Variants in LAS1L observed in about 807,000 individuals in gnomAD.
LAS1L encodes ribosomal biogenesis protein LAS1L.
A neutral mutation model predicts 57.3 loss-of-function variants in LAS1L; 5 were observed. The ratio of observed to expected loss-of-function variants is 0.09; its 90% confidence interval spans 0.05 to 0.18. The LOEUF (loss-of-function observed/expected upper bound fraction) is 0.18, where lower values mean the gene tolerates loss of function less well. LAS1L is among the 10% of genes least tolerant of loss of function. The pLI is 1.00. For missense variants in LAS1L, 360 were observed against 568.3 expected (o/e 0.63, Z 3.73); for synonymous variants, 245 against 231.7 (o/e 1.06, Z -0.52).
intron 12 of LAS1L, among the ~76,000 whole-genome samples, chrX:65,516,510 A>C (rs763500757): frequency 7.3e-5 from 8 of 109,735 alleles, no homozygotes; most frequent in Non-Finnish European, 1.3e-4. Context: ...CAATGCTATC[A>C]CTTCTCTCTC....
chrX:65,532,593 C>A lies in LAS1L; in HGVS notation c.400G>T (p.Ala134Ser). Residue 134 changes from alanine (A) to serine (S), a missense_variant, in exon 3 of 14, where the codon GCC becomes TCC. By Grantham distance (99) the Ala-to-Ser change is moderately conservative. Coordinates refer to ENST00000374811, the MANE Select transcript of LAS1L (RefSeq NM_031206.7). The stretch of plus-strand genomic sequence containing the variant: ...GCCAGACACTTGAGGGGGACCTTGG[C>A]AAACTTTGTCTTCCTCTCTGAGATA... Reference protein sequence around the residue: ...NLISERKTKFAKVPLKCLAQE... With the variant: ...NLISERKTKFSKVPLKCLAQE... 2 of 1,209,113 alleles carry A rather than the reference C, an allele frequency of 1.7e-6. No individual in the cohort carries two copies. The highest frequency in any genetic ancestry group is 2.2e-6 in the Non-Finnish European group (2 of 892,757).
intron 7 of LAS1L, 50 bp from the exon 8 acceptor site, chrX:65,525,100 T>A: frequency 9.9e-7 from 1 of 1,014,821 alleles, no homozygotes; most frequent in Non-Finnish European, 1.4e-6. Context: ...CAGAAGACCC[T>A]CTCCTACTCC....
At chrX:65,522,924 A>G (rs1235847756) in intron 11 of LAS1L, 2 of 112,418 alleles carry the variant, frequency 1.8e-5, no homozygotes, top group African/African-American at 6.5e-5. Context: ...CAGGCGCTAA[A>G]GGCTTCCATG....
In LAS1L at chrX:65,514,886, G is replaced by A; in HGVS notation, c.2015C>T (p.Thr672Ile). The A allele has an allele frequency of 8.3e-7, 1 of 1,210,023 alleles. No homozygotes were observed. The highest frequency in any genetic ancestry group is 1.1e-6 in the Non-Finnish European group (1 of 894,321). Reference protein sequence around the residue: ...PAELMLENYDTMYLLDQPVLE... With the variant: ...PAELMLENYDIMYLLDQPVLE... ...CACAGGCTGGTCCAAAAGATACATG[G>A]TGTCATAATTCTCCAGCATGAGCTC... The change falls in exon 13 of 14, where the codon ACC (threonine) becomes ATC (isoleucine). Residue 672 changes from threonine (T) to isoleucine (I), a missense_variant. Coordinates refer to ENST00000374811, the MANE Select transcript of LAS1L (RefSeq NM_031206.7).
intron 13 of LAS1L, among the ~76,000 whole-genome samples, chrX:65,513,371 G>A (rs999321460): frequency 5.4e-5 from 6 of 111,956 alleles, no homozygotes; most frequent in Non-Finnish European, 9.4e-5. Flanking sequence ...TTGCTTTAGG[G>A]AGGGTGGCTC....
Position 65,529,715 on chromosome X carries a change from T to C in LAS1L, c.678A>G (p.Lys226=). 8.3e-7 allele frequency: 1 copy of C among 1,211,901 alleles called. No individual in the cohort carries two copies. The highest frequency in any genetic ancestry group is 1.7e-5 in the African/African-American group (1 of 57,831). Residue 226 remains lysine (K), a synonymous_variant, in exon 5 of 14, where the codon AAA becomes AAG. Transcript: ENST00000374811. ...NIVVDDITEQ[K]PEPQDDGKST... ...TTTTCCCATCATCCTGAGGCTCTGG[T>C]TTCTGTTCTGTGATGTCATCAACAA... is the stretch of plus-strand genomic sequence containing the variant.
intron 12 of LAS1L, 29 bp from the exon 13 acceptor site, chrX:65,515,002 G>A (rs2068577745): frequency 8.4e-7 from 1 of 1,185,439 alleles, no homozygotes; most frequent in African/African-American, 1.8e-5. Flanking sequence ...TGGCAAGACT[G>A]GGCTGATGAG....
At chrX:65,517,633 G>A (rs996528667) in intron 12 of LAS1L, among the ~76,000 whole-genome samples, 2 of 112,203 alleles carry the variant, frequency 1.8e-5, no homozygotes, top group Admixed American at 9.4e-5. Flanking sequence ...CACATACACA[G>A]AAAGCACTGT....
At position 65,534,533 on chromosome X, in the gene LAS1L, G is replaced by C. The variant is rs1372614694; in HGVS notation, c.183C>G (p.Asp61Glu). Residue 61 changes from aspartate (D) to glutamate (E), a missense_variant, in exon 1 of 14, where the codon GAC (aspartate) becomes GAG (glutamate). Around this residue, in one of 7 missense-constraint regions of LAS1L, gnomAD observed 25 missense variants for 38.2 expected, o/e 0.65. Transcript: ENST00000374811. The part of the protein sequence containing the change: ...WDQVTVYLFC[D>E]DHKLQRYALN... ...GCGCGTACCGCTGCAACTTATGGTC[G>C]TCACAGAACAGATAAACCGTCACCT... The C allele has an allele frequency of 2.1e-5, 25 of 1,209,198 alleles. No homozygotes were observed. Among genetic ancestry groups the C allele is most frequent in the Non-Finnish European group, 2.6e-5 (23 of 894,214 alleles).
intron 13 of LAS1L, among the ~76,000 whole-genome samples, chrX:65,513,313 G>A (rs771322128): frequency 8.9e-6 from 1 of 111,911 alleles, no homozygotes; most frequent in Non-Finnish European, 1.9e-5. Context: ...CTGGTTAAGG[G>A]GCCCAAGGCC....
chrX:65,533,251 GGCGAGGACCCTGA>G (rs1414353295), intron 2 of LAS1L, among the ~76,000 whole-genome samples: 1 of 109,895 alleles, frequency 9.1e-6, no homozygotes, highest in Admixed American at 9.7e-5. Flanking sequence ...TTAAATCACA[GGCGAGGACCCTGA>G]GCCATTCAGA....
intron 12 of LAS1L, among the ~76,000 whole-genome samples, chrX:65,516,816 C>G (rs892010241): frequency 4.5e-5 from 5 of 111,115 alleles, no homozygotes; most frequent in African/African-American, 1.3e-4. Context: ...CACACACACA[C>G]AGAGAGACAG....
rs1435793969 is a variant in LAS1L at position 65,518,212 on chromosome X, C to T, written c.1702G>A (p.Glu568Lys). The T allele has an allele frequency of 1.7e-6, 2 of 1,211,689 alleles. No homozygotes were observed. Among genetic ancestry groups the T allele is most frequent in the East Asian group, 3.0e-5 (1 of 33,852 alleles). Residue 568 changes from glutamate to lysine, a missense_variant, in exon 12 of 14, where the codon GAG (glutamate) becomes AAG (lysine). Glu to Lys is a moderately conservative substitution (Grantham distance 56). Around this residue, in one of 7 missense-constraint regions of LAS1L, gnomAD observed 123 missense variants for 168.3 expected, o/e 0.73. Coordinates refer to ENST00000374811, the MANE Select transcript of LAS1L (RefSeq NM_031206.7). ...GGCAAGACCTCTTTCTCCTCCTTCT[C>T]CTCTTCCTTGACATCATTAACACTG... Reference protein sequence around the residue: ...QGSVNDVKEEEKEEKEVLPDQ... With the variant: ...QGSVNDVKEEKKEEKEVLPDQ...
chrX:65,513,693 A>G (rs999373764), intron 13 of LAS1L, among the ~76,000 whole-genome samples: 1 of 112,445 alleles, frequency 8.9e-6, no homozygotes, highest in African/African-American at 3.2e-5. Flanking sequence ...GCCCCTCCAC[A>G]GCAAAGGAAA....
intron 11 of LAS1L, chrX:65,521,075 T>A: frequency 1.3e-6 from 1 of 751,149 alleles, no homozygotes; most frequent in Non-Finnish European, 1.6e-6. Flanking sequence ...ATGTGGCTGT[T>A]CAGTTCCAAC....
Position 65,525,026 on chromosome X carries a change from C to T in LAS1L, c.981G>A (p.Leu327=), listed in dbSNP as rs777896647. 2 of 1,209,816 alleles carry T rather than the reference C, an allele frequency of 1.7e-6. No homozygotes were observed. Among genetic ancestry groups the T allele is most frequent in the Admixed American group, 4.4e-5 (2 of 45,966 alleles). ...ENREAVLDAF[L]DDGFLVPTFE... ...ATGTGGGGACAAGGAAGCCATCATCCAGAAAAGCATCCAGCACAGCCTCCC... is the reference window on the plus strand; with the variant it reads ...ATGTGGGGACAAGGAAGCCATCATCTAGAAAAGCATCCAGCACAGCCTCCC... The change falls in exon 8 of 14, where the codon CTG becomes CTA. Residue 327 remains leucine (L), a synonymous_variant. Coordinates refer to ENST00000374811, the MANE Select transcript of LAS1L (RefSeq NM_031206.7).
At chrX:65,521,372 T>C (rs1246893732) in intron 11 of LAS1L, 1 of 576,037 alleles carries the variant, frequency 1.7e-6, no homozygotes, top group East Asian at 1.7e-4. Context: ...TGTGGTGTGC[T>C]AGGGCACGGA....
At chrX:65,523,771 C>G (rs1163669608) in intron 10 of LAS1L, 64 bp from the exon 11 acceptor site, 2 of 1,098,354 alleles carry the variant, frequency 1.8e-6, no homozygotes, top group Admixed American at 3.0e-5. Context: ...CATTTCACCT[C>G]AGAAAGTTTG....
chrX:65,518,772 T>A, intron 11 of LAS1L: 1 of 730,249 alleles, frequency 1.4e-6, no homozygotes, highest in Non-Finnish European at 1.6e-6. Flanking sequence ...TGGCACATAG[T>A]GGGCATGCAA....
Sources: allele counts gnomAD v4.1 joint callset (sites outside exome capture counted in the v4.1 genomes callset), GRCh38; gene constraint gnomAD v4.1.1; regional missense constraint gnomAD v4.1.1; transcripts MANE v1.5; gene names NCBI Gene and HGNC (gene_info 2026-07-23, HGNC 2026-07-21).